The following TAS2R1 variants were observed in gnomAD, a reference collection of about 807,000 sequenced individuals.
TAS2R1 encodes the protein taste 2 receptor member 1, also known as taste receptor type 2 member 1.
For synonymous variants in TAS2R1, 141 were observed against 134.2 expected (o/e 1.05, Z -0.35); for missense variants, 370 against 353.4 (o/e 1.05, Z -0.38).
intron 1 of TAS2R1, among the ~76,000 whole-genome samples, chr5:9,668,465 C>A (rs1339956889): frequency 1.1e-4 from 17 of 152,070 alleles, no homozygotes; most frequent in Admixed American, 1.1e-3. Context: ...TCATCAGATC[C>A]TCCAAGATCA....
the TAS2R1 span, among the ~76,000 whole-genome samples, chr5:9,870,988 A>C: frequency 1.3e-5 from 2 of 152,244 alleles, no homozygotes; most frequent in African/African-American, 4.8e-5. Flanking sequence ...AGATTTAAAA[A>C]AAGAACTAGC....
At chr5:9,899,961 A>C in the TAS2R1 span, among the ~76,000 whole-genome samples, 6 of 152,208 alleles carry the variant, frequency 3.9e-5, no homozygotes, top group Non-Finnish European at 8.8e-5. Context: ...AATAAAGCTG[A>C]ATCATACAAT....
chr5:9,842,323 T>G, the TAS2R1 span, among the ~76,000 whole-genome samples: 6,849 of 141,618 alleles, frequency 0.048, 217 homozygotes, highest in East Asian at 0.17. Context: ...TCTCTTTTTT[T>G]TTTTTTTTTT....
chr5:9,691,716 G>A (rs536488051), intron 1 of TAS2R1, among the ~76,000 whole-genome samples: 9 of 152,218 alleles, frequency 5.9e-5, no homozygotes, highest in African/African-American at 4.8e-5. Context: ...AAGGACAGGC[G>A]GAACCCTTAC....
the TAS2R1 span, among the ~76,000 whole-genome samples, chr5:9,830,253 T>C: frequency 0.025 from 3,735 of 151,784 alleles, 252 homozygotes; most frequent in East Asian, 0.23. Flanking sequence ...AAGGGAGAGA[T>C]GATAGACATA....
the TAS2R1 span, among the ~76,000 whole-genome samples, chr5:9,872,317 T>C: frequency 2.6e-5 from 4 of 152,206 alleles, no homozygotes; most frequent in South Asian, 4.1e-4. Flanking sequence ...ATTGGCTGGA[T>C]TGGAGGATGA....
At chr5:9,770,694 T>C in the TAS2R1 span, among the ~76,000 whole-genome samples, 1 of 152,226 alleles carries the variant, frequency 6.6e-6, no homozygotes, top group Non-Finnish European at 1.5e-5. Context: ...GATTTCTTTT[T>C]TGGATTGTTC....
the TAS2R1 span, among the ~76,000 whole-genome samples, chr5:9,769,390 T>C: frequency 6.6e-6 from 1 of 152,226 alleles, no homozygotes; most frequent in Non-Finnish European, 1.5e-5. Flanking sequence ...GAAGTGCAGA[T>C]ATCTCTTTTA....
At chr5:9,801,553 C>A in the TAS2R1 span, among the ~76,000 whole-genome samples, 2 of 152,194 alleles carry the variant, frequency 1.3e-5, no homozygotes, top group Non-Finnish European at 1.5e-5. Flanking sequence ...GGAAAGGGAT[C>A]ACCGTTGCAG....
chr5:9,903,091 C>T, the TAS2R1 span, among the ~76,000 whole-genome samples: 1 of 152,026 alleles, frequency 6.6e-6, no homozygotes, highest in Non-Finnish European at 1.5e-5. Flanking sequence ...GAGTTACAAA[C>T]AATCCAAGTA....
chr5:9,732,167 C>A, the TAS2R1 span, among the ~76,000 whole-genome samples: 2 of 152,120 alleles, frequency 1.3e-5, no homozygotes, highest in African/African-American at 4.8e-5. Context: ...ACGAGATTTG[C>A]CCAAACCAGG....
chr5:9,677,814 C>T (rs771566130), intron 1 of TAS2R1, among the ~76,000 whole-genome samples: 10 of 152,268 alleles, frequency 6.6e-5, no homozygotes, highest in Non-Finnish European at 1.0e-4. Context: ...CAGTGATGCT[C>T]GCAGGTATTC....
At chr5:9,757,204 A>T in the TAS2R1 span, among the ~76,000 whole-genome samples, 1 of 152,206 alleles carries the variant, frequency 6.6e-6, no homozygotes, top group Non-Finnish European at 1.5e-5. Flanking sequence ...CAAGGCAAAT[A>T]AAATTCATTT....
At chr5:9,663,428 G>C (rs1243481701) in intron 1 of TAS2R1, among the ~76,000 whole-genome samples, 1 of 152,056 alleles carries the variant, frequency 6.6e-6, no homozygotes, top group African/African-American at 2.4e-5. Flanking sequence ...ATAAATTCCA[G>C]CTGCCTATAA....
At chr5:9,805,243 T>A in the TAS2R1 span, among the ~76,000 whole-genome samples, 1 of 151,990 alleles carries the variant, frequency 6.6e-6, no homozygotes, top group African/African-American at 2.4e-5. Flanking sequence ...AAGATTGAAA[T>A]GGTAATTTAA....
At chr5:9,824,558 C>T in the TAS2R1 span, among the ~76,000 whole-genome samples, 10 of 152,188 alleles carry the variant, frequency 6.6e-5, no homozygotes, top group African/African-American at 1.9e-4. Flanking sequence ...GGCTGTGGTC[C>T]GCCTATGGCT....
the TAS2R1 span, among the ~76,000 whole-genome samples, chr5:9,883,712 ATCT>A: frequency 6.6e-6 from 1 of 150,934 alleles, no homozygotes; most frequent in Non-Finnish European, 1.5e-5. Context: ...CTGCTGGGAG[ATCT>A]TCTGGTTCTG....
At chr5:9,791,357 T>C in the TAS2R1 span, among the ~76,000 whole-genome samples, 2 of 152,274 alleles carry the variant, frequency 1.3e-5, no homozygotes, top group East Asian at 1.9e-4. Flanking sequence ...AGATCAGGTA[T>C]CTCCAACCCT....
chr5:9,880,043 T>C, the TAS2R1 span, among the ~76,000 whole-genome samples: 1 of 152,058 alleles, frequency 6.6e-6, no homozygotes, highest in Non-Finnish European at 1.5e-5. Context: ...AGCCATAGAG[T>C]ATGCTTAACA....
Sources: allele counts gnomAD v4.1 joint callset (sites outside exome capture counted in the v4.1 genomes callset), GRCh38; gene constraint gnomAD v4.1.1; transcripts MANE v1.5; gene names NCBI Gene and HGNC (gene_info 2026-07-23, HGNC 2026-07-21).